GRID2: variants seen among roughly 807,000 people sequenced by gnomAD.
GRID2 encodes glutamate receptor ionotropic, delta-2.
A neutral mutation model predicts 114.8 loss-of-function variants in GRID2; 33 were observed. The ratio of observed to expected loss-of-function variants is 0.29; its 90% CI spans 0.22 to 0.38. GRID2 has a LOEUF of 0.38. Among genes scored for constraint, GRID2 ranks in the 10% least tolerant of loss-of-function variants. The pLI, the probability that GRID2 is intolerant of heterozygous loss-of-function variation, is 1.00. For synonymous variants in GRID2, 505 were observed against 449.9 expected (o/e 1.12, Z -1.55); for missense variants, 1,184 against 1,257.7 (o/e 0.94, Z 0.89).
intron 2 of GRID2, among the ~76,000 whole-genome samples, chr4:92,900,986 C>T (rs745455656): frequency 2.0e-5 from 3 of 148,930 alleles, no homozygotes; most frequent in Non-Finnish European, 4.4e-5. Flanking sequence ...CTGTTTTAGA[C>T]ACTTAGGTTG....
At chr4:92,577,458 A>C (rs1727952593) in intron 1 of GRID2, among the ~76,000 whole-genome samples, 3 of 152,224 alleles carry the variant, frequency 2.0e-5, no homozygotes, top group Non-Finnish European at 4.4e-5. Flanking sequence ...TTCAATTTAC[A>C]AAATGAACTT....
intron 2 of GRID2, among the ~76,000 whole-genome samples, chr4:92,681,198 A>C (rs1702165093): frequency 6.6e-6 from 1 of 152,174 alleles, no homozygotes; most frequent in African/African-American, 2.4e-5. Flanking sequence ...AGAAAAGATA[A>C]AACTACAGGG....
intron 8 of GRID2, among the ~76,000 whole-genome samples, chr4:93,250,109 T>C (rs1437889878): frequency 6.6e-6 from 1 of 152,130 alleles, no homozygotes; most frequent in African/African-American, 2.4e-5. Context: ...TGTCCATCAA[T>C]GATAGACTGG....
At chr4:93,140,279 C>T (rs1326204717) in intron 4 of GRID2, among the ~76,000 whole-genome samples, 2 of 151,652 alleles carry the variant, frequency 1.3e-5, no homozygotes, top group Non-Finnish European at 2.9e-5. Flanking sequence ...CTGCCTCAGC[C>T]TCCTGAGTAG....
intron 2 of GRID2, among the ~76,000 whole-genome samples, chr4:93,077,942 T>G (rs1729481547): frequency 6.6e-6 from 1 of 152,166 alleles, no homozygotes; most frequent in South Asian, 2.1e-4. Flanking sequence ...AATACAAGAC[T>G]AAAGGCAGTT....
intron 1 of GRID2, among the ~76,000 whole-genome samples, chr4:92,400,484 A>G (rs956250738): frequency 6.6e-6 from 1 of 152,112 alleles, no homozygotes; most frequent in Non-Finnish European, 1.5e-5. Context: ...TGGCCATACC[A>G]CTATTTGTTT....
At chr4:93,590,181 T>G (rs182224442) in intron 13 of GRID2, among the ~76,000 whole-genome samples, 2 of 150,846 alleles carry the variant, frequency 1.3e-5, no homozygotes, top group Non-Finnish European at 3.0e-5. Context: ...GTTTTTATGG[T>G]TTTAGGTCTA....
chr4:93,214,019 CAATGTT>C (rs1743896007), intron 5 of GRID2, among the ~76,000 whole-genome samples: 2 of 151,664 alleles, frequency 1.3e-5, no homozygotes. Context: ...TTTGTTATTG[CAATGTT>C]AATTCTACTT....
chr4:93,430,152 G>A (rs564612928), intron 10 of GRID2, among the ~76,000 whole-genome samples: 5 of 151,802 alleles, frequency 3.3e-5, no homozygotes, highest in South Asian at 2.1e-4. Context: ...TATATTTACC[G>A]GGAGGCTTTA....
chr4:93,422,990 T>C, intron 10 of GRID2, 22 bp downstream of exon 10: 1 of 1,487,356 alleles, frequency 6.7e-7, no homozygotes, highest in African/African-American at 1.4e-5. Flanking sequence ...TTTATTTATT[T>C]GTCTCATACT....
chr4:92,965,789 A>G (rs1190319796), intron 2 of GRID2, among the ~76,000 whole-genome samples: 1 of 151,852 alleles, frequency 6.6e-6, no homozygotes, highest in African/African-American at 2.4e-5. Context: ...TTTAAAACTC[A>G]AATGTTTAAA....
rs964060633 is a variant in GRID2 at position 92,383,471 on chromosome 4, G to A, written c.88+78727G>A. On this transcript the variant is annotated intron_variant, in intron 1 of 15. Transcript: ENST00000282020. ...AGCCCAATTCTACCTTACTCCTAACGTAAGAAACATGCCAGTACAGCCTTT... is the reference window on the plus strand; with the variant it reads ...AGCCCAATTCTACCTTACTCCTAACATAAGAAACATGCCAGTACAGCCTTT... Among the ~76,000 whole-genome samples the A allele has an allele frequency of 3.9e-5, 6 of 151,900 alleles. No individual in the cohort carries two copies. The South Asian group carries it at 8.3e-4, about 21-fold the overall frequency.
intron 8 of GRID2, among the ~76,000 whole-genome samples, chr4:93,244,187 T>C (rs780880212): frequency 1.5e-4 from 23 of 152,060 alleles, no homozygotes; most frequent in Non-Finnish European, 2.8e-4. Context: ...TGTAATACTC[T>C]AGACTTAGTG....
At chr4:93,220,495 T>G (rs1190201480) in intron 6 of GRID2, among the ~76,000 whole-genome samples, 1 of 152,164 alleles carries the variant, frequency 6.6e-6, no homozygotes, top group Non-Finnish European at 1.5e-5. Flanking sequence ...TTAAAAGTTA[T>G]AACATTTGTG....
intron 1 of GRID2, among the ~76,000 whole-genome samples, chr4:93,788,730 T>C (rs757648142): frequency 2.6e-5 from 4 of 152,194 alleles, no homozygotes; most frequent in Non-Finnish European, 5.9e-5. Flanking sequence ...GTAGAATAAC[T>C]ATCACAACTT....
chr4:93,723,042 TTC>T (rs1729527604), intron 14 of GRID2, among the ~76,000 whole-genome samples: 1 of 152,214 alleles, frequency 6.6e-6, no homozygotes, highest in Non-Finnish European at 1.5e-5. Flanking sequence ...TTTTATGATT[TTC>T]TCTTTGTCTG....
intron 2 of GRID2, among the ~76,000 whole-genome samples, chr4:92,725,350 G>T (rs10516912): frequency 0.097 from 14,697 of 152,158 alleles, 973 homozygotes; most frequent in Middle Eastern, 0.23. Flanking sequence ...GGATAAATTG[G>T]AGAGTCTAAC....
chr4:93,752,904 A>T (rs1386764247), intron 14 of GRID2, among the ~76,000 whole-genome samples: 1 of 152,170 alleles, frequency 6.6e-6, no homozygotes, highest in Non-Finnish European at 1.5e-5. Flanking sequence ...AACACCTGGT[A>T]TATCAGTGTT....
chr4:92,883,797 T>C (rs1054352004), intron 2 of GRID2, among the ~76,000 whole-genome samples: 5 of 152,348 alleles, frequency 3.3e-5, no homozygotes, highest in Non-Finnish European at 5.9e-5. Context: ...TAAACCATGC[T>C]ATAAATGGAT....
Sources: gnomAD v4.1 joint callset for allele counts (sites outside exome capture counted in the v4.1 genomes callset) on GRCh38, gnomAD v4.1.1 for gene constraint, MANE v1.5 for transcripts, NCBI Gene and HGNC (gene_info 2026-07-23, HGNC 2026-07-21) for gene names.